The following CHSY1 variants were observed in gnomAD, a reference collection of about 807,000 sequenced individuals.
The protein encoded by CHSY1 is chondroitin sulfate synthase 1, also known as N-acetylgalactosaminyl-proteoglycan 3-beta-glucuronosyltransferase 1.
CHSY1 carries 13 observed loss-of-function variants against 59.8 expected under a neutral mutation model. That is an observed-to-expected ratio of 0.22 (90% CI 0.14 to 0.35). CHSY1 has a LOEUF of 0.35. CHSY1 is among the 10% of genes least tolerant of loss of function. CHSY1 has a pLI of 1.00. For synonymous variants in CHSY1, 459 were observed against 401.2 expected, an observed-to-expected ratio of 1.14 and a Z score of -1.72; for missense variants, 947 against 1,030.6, an observed-to-expected ratio of 0.92 and a Z score of 1.11.
chr15:101,225,871 A>G (rs1031055921), intron 2 of CHSY1, among the ~76,000 whole-genome samples: 1 of 152,238 alleles, frequency 6.6e-6, no homozygotes, highest in African/African-American at 2.4e-5. Flanking sequence ...AAATGTATAC[A>G]GGAAATGCCA....
chr15:101,215,885 T>C (rs966611911), intron 2 of CHSY1, among the ~76,000 whole-genome samples: 4 of 152,216 alleles, frequency 2.6e-5, no homozygotes, highest in Non-Finnish European at 5.9e-5. Context: ...TAAAAACTTG[T>C]GCCATTACCA....
Position 101,178,519 on chromosome 15 carries a change from G to A in CHSY1, c.1278C>T (p.Ile426=). The A allele has an allele frequency of 6.2e-7, 1 of 1,614,224 alleles. No individual in the cohort carries two copies. Among genetic ancestry groups the A allele is most frequent in the Non-Finnish European group, 8.5e-7 (1 of 1,180,050 alleles). ...INANAKTRGR[I]IDFKEIQYGY... ...CGTACTGGATCTCTTTGAAGTCAAT[G>A]ATGCGCCCTCTGGTCTTGGCGTTGG... The change falls in exon 3 of 3, where the codon ATC becomes ATT. Residue 426 remains isoleucine (I), a synonymous_variant. Transcript: ENST00000254190.
At chr15:101,179,406 T>A (rs2038244350) in intron 2 of CHSY1, among the ~76,000 whole-genome samples, 1 of 152,202 alleles carries the variant, frequency 6.6e-6, no homozygotes, top group Middle Eastern at 3.4e-3. Context: ...GGAATAAACT[T>A]CCTCCTGAGA....
intron 2 of CHSY1, among the ~76,000 whole-genome samples, chr15:101,223,890 T>C (rs1390802902): frequency 1.3e-5 from 2 of 152,268 alleles, no homozygotes; most frequent in African/African-American, 2.4e-5. Flanking sequence ...CTGCCCACTT[T>C]TACAGTCCTG....
rs1362675469 is a variant in CHSY1, at chr15:101,177,869, C to T, written c.1928G>A (p.Arg643Gln). 1.9e-6 allele frequency: 3 copies of T among 1,614,064 alleles called. No individual in the cohort carries two copies. Among genetic ancestry groups the T allele is most frequent in the Non-Finnish European group, 2.5e-6 (3 of 1,180,032 alleles). Reference protein sequence around the residue: ...DLVFTTEFLQRCRANTVLGQQ... With the variant: ...DLVFTTEFLQQCRANTVLGQQ... Reference sequence around the variant, plus strand: ...GCCCAGAACTGTATTTGCTCGACATCGCTGAAGGAATTCTGTAGTAAACAC... The same window carrying T: ...GCCCAGAACTGTATTTGCTCGACATTGCTGAAGGAATTCTGTAGTAAACAC... Residue 643 changes from arginine (R) to glutamine (Q), a missense_variant, in exon 3 of 3, where the codon CGA becomes CAA. By Grantham distance (43) the Arg-to-Gln change is conservative. This residue lies in a region of CHSY1 where 602 missense variants were observed against 676.9 expected (regional missense o/e 0.89). Transcript: ENST00000254190.
chr15:101,190,938 TG>T (rs2038435866), intron 2 of CHSY1, among the ~76,000 whole-genome samples: 1 of 151,326 alleles, frequency 6.6e-6, no homozygotes, highest in Non-Finnish European at 1.5e-5. Flanking sequence ...GGTGAGGACA[TG>T]GAACAAGAGG....
At chr15:101,216,723 G>C (rs538962233) in intron 2 of CHSY1, among the ~76,000 whole-genome samples, 16 of 143,860 alleles carry the variant, frequency 1.1e-4, no homozygotes, top group African/African-American at 2.8e-4. Context: ...GGACCTAGCA[G>C]TTGGGAAGGA....
chr15:101,226,309 C>T (rs1160250453), intron 2 of CHSY1, among the ~76,000 whole-genome samples: 1 of 152,216 alleles, frequency 6.6e-6, no homozygotes, highest in Non-Finnish European at 1.5e-5. Flanking sequence ...CTGTCCCAAA[C>T]ATGAGCTATG....
chr15:101,251,262 C>A lies in CHSY1; in HGVS notation c.195G>T (p.Ala65=). The change falls in exon 1 of 3, where the codon GCG becomes GCT. Residue 65 remains alanine, a synonymous_variant. Coordinates refer to ENST00000254190, the MANE Select transcript of CHSY1 (RefSeq NM_014918.5). ...ASQAGGARGD[A]RGAQLWPPGS... ...CGGGCGGCCAGAGCTGCGCCCCGCG[C>A]GCATCGCCGCGCGCCCCGCCGGCCT... The A allele has an allele frequency of 1.5e-6, 2 of 1,361,408 alleles. No homozygotes were observed. Among genetic ancestry groups the A allele is most frequent in the Non-Finnish European group, 1.9e-6 (2 of 1,057,524 alleles). The allele number at this position is 1,361,408 out of a possible 1,614,324, so 84.3% of individuals were successfully genotyped here.
chr15:101,201,139 C>T (rs1461759311), intron 2 of CHSY1, among the ~76,000 whole-genome samples: 41 of 70,588 alleles, frequency 5.8e-4, no homozygotes, highest in Non-Finnish European at 9.7e-4. Context: ...TCGGGGGTGG[C>T]GGGGCAAGCC....
At chr15:101,200,064 C>T (rs1351770046) in intron 2 of CHSY1, among the ~76,000 whole-genome samples, 2 of 152,176 alleles carry the variant, frequency 1.3e-5, no homozygotes, top group Non-Finnish European at 2.9e-5. Context: ...ATGCCCGGTA[C>T]TGTGGCAGTT....
intron 2 of CHSY1, among the ~76,000 whole-genome samples, chr15:101,233,383 C>T (rs948906591): frequency 2.0e-5 from 3 of 152,146 alleles, no homozygotes; most frequent in African/African-American, 7.2e-5. Flanking sequence ...CTCTATGATT[C>T]CGGCAAGAAG....
chr15:101,180,792 C>T (rs962584645), intron 2 of CHSY1, among the ~76,000 whole-genome samples: 7 of 152,168 alleles, frequency 4.6e-5, no homozygotes, highest in East Asian at 1.9e-4. Flanking sequence ...GGATGAACCA[C>T]GTTAACTTAT....
At chr15:101,186,802 ACAAAAACAAAAACAAAAACAAAAAC>A (rs1375632485) in intron 2 of CHSY1, 30 of 5,442 alleles carry the variant, frequency 5.5e-3, no homozygotes, top group African/African-American at 0.045. Context: ...ACCCTGTCAA[ACAAAAACAAAAACAAAAACAAAAAC>A]AAAAACAAAA....
rs2038212883 is a variant in CHSY1 at position 101,177,818 on chromosome 15, A to C, written c.1979T>G (p.Phe660Cys). ...LGQQIYFPII[F>C]SQYDPKIVYS... ...AACAATCTTTGGGTCATACTGGCTG[A>C]AGATGATTGGAAAATATATTTGTTG... Residue 660 changes from phenylalanine to cysteine, a missense_variant, in exon 3 of 3, where the codon TTC (phenylalanine) becomes TGC (cysteine). Transcript: ENST00000254190. 1 of 1,614,120 alleles carries C rather than the reference A, an allele frequency of 6.2e-7. No individual in the cohort carries two copies. Among genetic ancestry groups the C allele is most frequent in the African/African-American group, 1.3e-5 (1 of 74,944 alleles).
chr15:101,188,087 A>G (rs1596429666), intron 2 of CHSY1: 1 of 985,474 alleles, frequency 1.0e-6, no homozygotes, highest in South Asian at 4.7e-5. Flanking sequence ...AACTGTTTAC[A>G]TGACTGTCCT....
intron 1 of CHSY1, among the ~76,000 whole-genome samples, chr15:101,242,397 G>A (rs987426982): frequency 6.6e-6 from 1 of 152,220 alleles, no homozygotes; most frequent in Non-Finnish European, 1.5e-5. Flanking sequence ...CTACGGATGT[G>A]CTAGTGGTGG....
intron 2 of CHSY1, among the ~76,000 whole-genome samples, chr15:101,226,359 C>T (rs2038841614): frequency 6.6e-6 from 1 of 152,122 alleles, no homozygotes; most frequent in South Asian, 2.1e-4. Flanking sequence ...ATCCTTGGAA[C>T]CACCCTATAA....
chr15:101,236,046 C>G (rs1048027747), intron 1 of CHSY1, among the ~76,000 whole-genome samples: 2 of 152,144 alleles, frequency 1.3e-5, no homozygotes, highest in African/African-American at 4.8e-5. Context: ...GAGAGGACAT[C>G]AGGAGAGACA....
Sources: allele counts gnomAD v4.1 joint callset (sites outside exome capture counted in the v4.1 genomes callset), GRCh38; gene constraint gnomAD v4.1.1; regional missense constraint gnomAD v4.1.1; transcripts MANE v1.5; gene names NCBI Gene and HGNC (gene_info 2026-07-23, HGNC 2026-07-21).